The following ROCK1 variants were observed in gnomAD, a reference collection of about 807,000 sequenced individuals.
ROCK1 encodes Rho associated coiled-coil containing protein kinase 1.
In ROCK1, 36 loss-of-function variants were observed where a neutral mutation model predicts 196.8. The ratio of observed to expected loss-of-function variants is 0.18; its 90% CI spans 0.14 to 0.24. The LOEUF (loss-of-function observed/expected upper bound fraction) is 0.24, where lower values mean the gene tolerates loss of function less well. Ranked by LOEUF, ROCK1 falls within the 10% of genes least tolerant of loss-of-function variation. The pLI is 1.00. For synonymous variants in ROCK1, 443 were observed against 515.9 expected (o/e 0.86, Z 1.91); for missense variants, 920 against 1,562.0 (o/e 0.59, Z 6.93).
intron 11 of ROCK1, among the ~76,000 whole-genome samples, chr18:21,022,858 ATG>A (rs573929547): frequency 1.1e-4 from 16 of 151,656 alleles, no homozygotes; most frequent in African/African-American, 3.1e-4. Context: ...GTGTGTATAT[ATG>A]TGTGTGTGTG....
intron 1 of ROCK1, among the ~76,000 whole-genome samples, chr18:21,109,518 C>G (rs2143613612): frequency 6.6e-6 from 1 of 152,324 alleles, no homozygotes; most frequent in African/African-American, 2.4e-5. Flanking sequence ...TTCCACTTAT[C>G]TCGTTTAATA....
At chr18:21,054,396 T>C (rs2036230074) in intron 2 of ROCK1, among the ~76,000 whole-genome samples, 1 of 152,178 alleles carries the variant, frequency 6.6e-6, no homozygotes, top group South Asian at 2.1e-4. Flanking sequence ...AGATTTGGCC[T>C]GTGGGCTGTA....
intron 2 of ROCK1, among the ~76,000 whole-genome samples, chr18:21,062,857 G>A (rs1018461473): frequency 5.3e-5 from 8 of 152,090 alleles, no homozygotes; most frequent in South Asian, 2.1e-4. Context: ...AGTATCCAAC[G>A]TCTAATGCAC....
At chr18:20,961,707 C>A (rs1373905984) in intron 27 of ROCK1, among the ~76,000 whole-genome samples, 2 of 152,020 alleles carry the variant, frequency 1.3e-5, no homozygotes, top group African/African-American at 4.8e-5. Context: ...GTAATGTCTC[C>A]ACACCTTTGC....
At chr18:21,101,594 A>G (rs1010231857) in intron 1 of ROCK1, among the ~76,000 whole-genome samples, 4 of 152,228 alleles carry the variant, frequency 2.6e-5, no homozygotes, top group African/African-American at 9.7e-5. Context: ...CCTGTATAGT[A>G]CCACTGACCT....
At chr18:21,091,967 G>A (rs1183334352) in intron 1 of ROCK1, among the ~76,000 whole-genome samples, 3 of 152,004 alleles carry the variant, frequency 2.0e-5, no homozygotes, top group Admixed American at 6.5e-5. Flanking sequence ...GCAACAGAGC[G>A]AGACGCTGTC....
intron 16 of ROCK1, among the ~76,000 whole-genome samples, chr18:20,998,074 T>G (rs1457837543): frequency 6.6e-6 from 1 of 152,190 alleles, no homozygotes; most frequent in African/African-American, 2.4e-5. Context: ...TGACCTCAAG[T>G]GATCCACCCG....
intron 5 of ROCK1, 21 bp from the exon 6 acceptor site, chr18:21,044,207 T>TA: frequency 1.3e-6 from 2 of 1,565,968 alleles, no homozygotes; most frequent in Non-Finnish European, 1.8e-6. Context: ...GAAAAAATAG[T>TA]ACAGTATTTT....
At chr18:21,108,625 T>TG (rs751443169) in intron 1 of ROCK1, among the ~76,000 whole-genome samples, 3 of 152,238 alleles carry the variant, frequency 2.0e-5, no homozygotes, top group Non-Finnish European at 4.4e-5. Flanking sequence ...ATCTGACTAT[T>TG]GCCTCTCTCT....
intron 1 of ROCK1, among the ~76,000 whole-genome samples, chr18:21,075,950 T>TC (rs2036426297): frequency 9.3e-6 from 1 of 107,684 alleles, no homozygotes; most frequent in East Asian, 2.8e-4. Flanking sequence ...AGACTCTGTC[T>TC]CAAAAAAAAA....
intron 2 of ROCK1, among the ~76,000 whole-genome samples, chr18:21,063,171 G>C (rs1568399140): frequency 6.6e-6 from 1 of 152,170 alleles, no homozygotes; most frequent in East Asian, 1.9e-4. Flanking sequence ...CATTCATGGG[G>C]GTGGAACCCA....
chr18:20,971,022 A>T (rs1181257172), intron 22 of ROCK1, among the ~76,000 whole-genome samples: 1 of 152,196 alleles, frequency 6.6e-6, no homozygotes, highest in Non-Finnish European at 1.5e-5. Flanking sequence ...ATGAAAACTT[A>T]TAAGAGATTT....
intron 1 of ROCK1, among the ~76,000 whole-genome samples, chr18:21,088,802 C>T (rs1262905456): frequency 6.6e-6 from 1 of 152,100 alleles, no homozygotes. Flanking sequence ...GACATACTGA[C>T]CCCTCCCTTC....
intron 1 of ROCK1, among the ~76,000 whole-genome samples, chr18:21,076,458 C>T (rs185146229): frequency 5.5e-4 from 83 of 152,006 alleles, no homozygotes; most frequent in African/African-American, 2.0e-3. Context: ...GAGCCGAGAT[C>T]GTGCCACTGC....
At chr18:20,998,611 T>C (rs2035693860) in intron 16 of ROCK1, among the ~76,000 whole-genome samples, 1 of 145,450 alleles carries the variant, frequency 6.9e-6, no homozygotes, top group Non-Finnish European at 1.5e-5. Context: ...TTTTTTTTTT[T>C]TTTTTTTTTT....
intron 8 of ROCK1, 89 bp from the exon 9 acceptor site, chr18:21,039,652 C>A: frequency 1.2e-6 from 1 of 851,806 alleles, no homozygotes; most frequent in East Asian, 2.5e-5. Context: ...GATATTAAAT[C>A]AGTGTAGGAC....
Position 21,111,297 on chromosome 18 carries a change from G to A in ROCK1, c.-387C>T, listed in dbSNP as rs2036749767. 4.3e-6 allele frequency: 2 copies of A among 467,372 alleles called. No individual in the cohort carries two copies. The highest frequency in any genetic ancestry group is 7.5e-6 in the Non-Finnish European group (2 of 267,208). 29.0% of individuals were successfully genotyped at this position (467,372 alleles called of 1,614,324 possible). A position where few individuals can be genotyped will look rare whatever the true frequency, so the allele number is the denominator to read the frequency against. On this transcript the variant is annotated 5_prime_UTR_variant, in exon 1 of 33. Transcript: ENST00000399799. The surrounding 1 kb of genome is among the most constrained non-coding windows in gnomAD (Gnocchi z 4.2). ...GCGGGTAGAGAAAGAGAAGCAGGGT[G>A]GAGACTCCCTCCGGGCAACAAGGGA...
intron 12 of ROCK1, 140 bp from the exon 13 acceptor site, chr18:21,015,619 T>C (rs1302105903): frequency 1.6e-6 from 1 of 637,264 alleles, no homozygotes; most frequent in Non-Finnish European, 2.8e-6. Context: ...GGCAGTCAAG[T>C]GAAGCCTATG....
At chr18:21,056,734 T>C (rs747651744) in intron 2 of ROCK1, among the ~76,000 whole-genome samples, 3 of 152,336 alleles carry the variant, frequency 2.0e-5, no homozygotes, top group Non-Finnish European at 4.4e-5. Flanking sequence ...AGACTCTACA[T>C]GACCTAGCCT....
Sources: allele counts gnomAD v4.1 joint callset (sites outside exome capture counted in the v4.1 genomes callset), GRCh38; gene constraint gnomAD v4.1.1; non-coding constraint Gnocchi (gnomAD v3.1); transcripts MANE v1.5; gene names NCBI Gene and HGNC (gene_info 2026-07-23, HGNC 2026-07-21).